LYPD6: variants seen among roughly 807,000 people sequenced by gnomAD.
The protein encoded by LYPD6 is LY6/PLAUR domain containing 6.
A neutral mutation model predicts 22.7 loss-of-function variants in LYPD6; 15 were observed. The ratio of observed to expected loss-of-function variants is 0.66; its 90% CI spans 0.44 to 1.02. The LOEUF is 1.02. Ranked by LOEUF, LYPD6 falls within the 50% of genes least tolerant of loss-of-function variation. The pLI, the probability that LYPD6 is intolerant of heterozygous loss-of-function variation, is 0.00. For missense variants in LYPD6, 189 were observed against 208.4 expected (o/e 0.91, Z 0.57); for synonymous variants, 72 against 77.5 (o/e 0.93, Z 0.37).
chr2:149,446,867 A>G (rs1363781616), intron 2 of LYPD6, among the ~76,000 whole-genome samples: 1 of 152,212 alleles, frequency 6.6e-6, no homozygotes, highest in African/African-American at 2.4e-5. Flanking sequence ...GGTGAAAATC[A>G]AAGTGATATC....
intron 2 of LYPD6, among the ~76,000 whole-genome samples, chr2:149,442,876 A>G (rs1207478280): frequency 2.0e-5 from 3 of 152,312 alleles, no homozygotes; most frequent in African/African-American, 7.2e-5. Context: ...AGATGTCAGT[A>G]AAGGTTCCTA....
At chr2:149,345,306 ATT>A (rs3073147) in intron 1 of LYPD6, among the ~76,000 whole-genome samples, 6 of 127,316 alleles carry the variant, frequency 4.7e-5, no homozygotes, top group African/African-American at 3.1e-5. Context: ...CTTAATTTAA[ATT>A]TTTTTTTTTT....
At chr2:149,338,806 T>C (rs934417390) in intron 1 of LYPD6, among the ~76,000 whole-genome samples, 1 of 152,216 alleles carries the variant, frequency 6.6e-6, no homozygotes, top group Non-Finnish European at 1.5e-5. Context: ...TGTTCTCCAA[T>C]ATTAGCTTAA....
In LYPD6 at chr2:149,347,195, AAGAAGAG is replaced by A. The variant is rs545616609; in HGVS notation, c.-72+16484_-72+16490del. ...GAGAAAGAGGAGGAGGAGGTGGAGG[AAGAAGAG>A]AGAAGAGAGAGAAGCAAGTTCTTCT... On this transcript the variant is annotated intron_variant, in intron 1 of 4. Coordinates refer to ENST00000334166, the MANE Select transcript of LYPD6 (RefSeq NM_194317.5). Among the ~76,000 whole-genome samples the A allele has an allele frequency of 1.9e-4, 29 of 152,070 alleles. 1 individual carries two copies. The highest frequency in any genetic ancestry group is 6.8e-3 in the Middle Eastern group (2 of 294).
chr2:149,356,782 A>G lies in LYPD6; in HGVS notation c.-72+26060A>G, dbSNP rs550783535. Among the ~76,000 whole-genome samples the G allele has an allele frequency of 5.9e-5, 9 of 152,336 alleles. No individual in the cohort carries two copies. The South Asian group carries it at 1.9e-3, about 32-fold the overall frequency. ...TTTCTTAAAGGCTAAATGTTTTTTCAGGATGAGTGGATCAGTGGAGTCCAA... is the reference window on the plus strand; with the variant it reads ...TTTCTTAAAGGCTAAATGTTTTTTCGGGATGAGTGGATCAGTGGAGTCCAA... On this transcript the variant is annotated intron_variant, in intron 1 of 4. Coordinates refer to ENST00000334166, the MANE Select transcript of LYPD6 (RefSeq NM_194317.5).
intron 1 of LYPD6, among the ~76,000 whole-genome samples, chr2:149,376,471 C>G (rs1681924163): frequency 6.6e-6 from 1 of 152,002 alleles, no homozygotes; most frequent in Non-Finnish European, 1.5e-5. Context: ...CTTGGATGTT[C>G]TAGAGGAGGG....
chr2:149,470,877 G>A lies in LYPD6; in HGVS notation c.*27G>A. On this transcript the variant is annotated 3_prime_UTR_variant, in exon 5 of 5. Coordinates refer to ENST00000334166, the MANE Select transcript of LYPD6 (RefSeq NM_194317.5). Reference sequence around the variant, plus strand: ...GGCTCAGTGGCTCCATGTGTTAATAGCGATCCATGGGGATCTCGATGGTCC... The same window carrying A: ...GGCTCAGTGGCTCCATGTGTTAATAACGATCCATGGGGATCTCGATGGTCC... 1 of 1,593,196 alleles carries A rather than the reference G, an allele frequency of 6.3e-7. No homozygotes were observed. Among genetic ancestry groups the A allele is most frequent in the African/African-American group, 1.3e-5 (1 of 74,614 alleles).
At chr2:149,423,770 C>CG (rs890549277) in intron 1 of LYPD6, among the ~76,000 whole-genome samples, 11 of 105,090 alleles carry the variant, frequency 1.0e-4, no homozygotes, top group African/African-American at 3.9e-4. Flanking sequence ...TCTGCCGGGG[C>CG]GGGGGGTGGG....
intron 1 of LYPD6, among the ~76,000 whole-genome samples, chr2:149,416,293 C>T (rs1682960909): frequency 6.6e-6 from 1 of 152,186 alleles, no homozygotes; most frequent in Non-Finnish European, 1.5e-5. Flanking sequence ...AATGATGTGA[C>T]CCAAATCCTC....
intron 1 of LYPD6, among the ~76,000 whole-genome samples, chr2:149,377,758 C>A (rs893941336): frequency 6.7e-6 from 1 of 150,154 alleles, no homozygotes; most frequent in Non-Finnish European, 1.5e-5. Flanking sequence ...CCAGCCTGGA[C>A]GACAGAGCGA....
intron 1 of LYPD6, among the ~76,000 whole-genome samples, chr2:149,394,578 T>C (rs1447728398): frequency 6.6e-6 from 1 of 152,228 alleles, no homozygotes; most frequent in Non-Finnish European, 1.5e-5. Flanking sequence ...ATTTGACATT[T>C]CATCTGTCTG....
intron 1 of LYPD6, among the ~76,000 whole-genome samples, chr2:149,432,146 T>C (rs1418231745): frequency 6.6e-6 from 1 of 152,138 alleles, no homozygotes; most frequent in Admixed American, 6.5e-5. Flanking sequence ...GAAACACATA[T>C]ATTGCTGATG....
intron 1 of LYPD6, among the ~76,000 whole-genome samples, chr2:149,412,766 TA>T (rs1419933125): frequency 9.9e-5 from 15 of 152,216 alleles, no homozygotes; most frequent in Admixed American, 8.5e-4. Flanking sequence ...AAAGTATATG[TA>T]AAAAGTAATA....
chr2:149,476,253 G>C (rs567068348), downstream of LYPD6, among the ~76,000 whole-genome samples: 5 of 152,266 alleles, frequency 3.3e-5, no homozygotes, highest in East Asian at 9.7e-4. Flanking sequence ...GTAGTGAAGG[G>C]TAGAGAATAA....
intron 3 of LYPD6, among the ~76,000 whole-genome samples, chr2:149,461,164 C>G (rs1019544839): frequency 2.6e-5 from 4 of 151,808 alleles, no homozygotes; most frequent in Non-Finnish European, 5.9e-5. Context: ...AATACATATA[C>G]TAAAACATTT....
intron 1 of LYPD6, among the ~76,000 whole-genome samples, chr2:149,339,992 C>T (rs1219650329): frequency 1.3e-5 from 2 of 152,106 alleles, no homozygotes; most frequent in Admixed American, 6.6e-5. Flanking sequence ...ATGACTTGTT[C>T]TCAGCCATAG....
At chr2:149,433,201 A>G (rs947856137) in intron 1 of LYPD6, among the ~76,000 whole-genome samples, 5 of 152,224 alleles carry the variant, frequency 3.3e-5, no homozygotes, top group Non-Finnish European at 7.3e-5. Flanking sequence ...CATGAAATTC[A>G]TGGTTAAAAA....
intron 1 of LYPD6, among the ~76,000 whole-genome samples, chr2:149,416,149 G>A (rs1039176611): frequency 1.3e-5 from 2 of 152,220 alleles, no homozygotes; most frequent in African/African-American, 4.8e-5. Flanking sequence ...AGGTTAGCAT[G>A]ACAAACTATA....
chr2:149,480,230 A>G, the LYPD6 span, among the ~76,000 whole-genome samples: 2 of 151,890 alleles, frequency 1.3e-5, no homozygotes, highest in African/African-American at 2.4e-5. Flanking sequence ...GGCTGGTCTC[A>G]AACTCCTGAC....
Sources: allele counts gnomAD v4.1 joint callset (sites outside exome capture counted in the v4.1 genomes callset), GRCh38; gene constraint gnomAD v4.1.1; transcripts MANE v1.5; gene names NCBI Gene and HGNC (gene_info 2026-07-23, HGNC 2026-07-21).